FEZ2: variants seen among roughly 807,000 people sequenced by gnomAD.
FEZ2 encodes the protein fasciculation and elongation protein zeta-2.
A neutral mutation model predicts 40.4 loss-of-function variants in FEZ2; 51 were observed. The observed-to-expected ratio is 1.26, with a 90% CI of 1.01 to 1.59. FEZ2 has a LOEUF of 1.59. FEZ2 is among the 40% of genes most tolerant of loss of function. The pLI is 0.00. For missense variants in FEZ2, 640 were observed against 438.3 expected, an observed-to-expected ratio of 1.46 and a Z score of -4.11; for synonymous variants, 242 against 172.0, an observed-to-expected ratio of 1.41 and a Z score of -3.18.
At chr2:36,593,661 A>C (rs762875921) in intron 1 of FEZ2, among the ~76,000 whole-genome samples, 6 of 152,036 alleles carry the variant, frequency 3.9e-5, no homozygotes, top group Admixed American at 6.5e-5. Flanking sequence ...GGCAGACCCT[A>C]GGCCCAGCTC....
At chr2:36,578,552 G>C (rs770722095) in intron 5 of FEZ2, 45 bp downstream of exon 5, 2 of 1,576,436 alleles carry the variant, frequency 1.3e-6, no homozygotes, top group Admixed American at 3.6e-5. Flanking sequence ...GACTACCACA[G>C]AACCTGTTTC....
At chr2:36,581,617 G>T in intron 3 of FEZ2, 186 bp from the exon 4 acceptor site, 1 of 567,508 alleles carries the variant, frequency 1.8e-6, no homozygotes, top group South Asian at 2.4e-5. Flanking sequence ...GGTTTATCAA[G>T]AAAAAATTAC....
At chr2:36,562,462 C>T (rs1668118896) in intron 5 of FEZ2, among the ~76,000 whole-genome samples, 14 of 152,148 alleles carry the variant, frequency 9.2e-5, no homozygotes, top group Admixed American at 9.2e-4. Flanking sequence ...AATTTTACTA[C>T]CTTACAGGAG....
chr2:36,572,054 GA>G (rs1188150640), intron 5 of FEZ2, among the ~76,000 whole-genome samples: 1 of 149,460 alleles, frequency 6.7e-6, no homozygotes, highest in Non-Finnish European at 1.5e-5. Context: ...AGATAAAGGG[GA>G]AAAAAACTCA....
chr2:36,573,768 C>G (rs1668486878), intron 5 of FEZ2, among the ~76,000 whole-genome samples: 1 of 152,164 alleles, frequency 6.6e-6, no homozygotes, highest in Non-Finnish European at 1.5e-5. Flanking sequence ...ACATAATAGG[C>G]AACTCATAAA....
chr2:36,574,232 G>T (rs1207635154), intron 5 of FEZ2, among the ~76,000 whole-genome samples: 1 of 152,152 alleles, frequency 6.6e-6, no homozygotes, highest in Non-Finnish European at 1.5e-5. Context: ...GTAGGACGAA[G>T]ATTCAAACAC....
chr2:36,580,541 A>G (rs2125235452), intron 4 of FEZ2, among the ~76,000 whole-genome samples: 1 of 152,366 alleles, frequency 6.6e-6, no homozygotes, highest in Middle Eastern at 3.4e-3. Context: ...ATGAAAATCA[A>G]CTGTAGAGTT....
intron 5 of FEZ2, among the ~76,000 whole-genome samples, chr2:36,569,139 T>G (rs1395844649): frequency 6.6e-6 from 1 of 152,220 alleles, no homozygotes; most frequent in Non-Finnish European, 1.5e-5. Context: ...ATAACAATAA[T>G]ACCTTCTTTA....
chr2:36,588,977 T>A (rs1668989815), intron 2 of FEZ2, among the ~76,000 whole-genome samples: 1 of 152,238 alleles, frequency 6.6e-6, no homozygotes, highest in African/African-American at 2.4e-5. Context: ...GTAGTACCCA[T>A]GGACTGGTTT....
Position 36,552,336 on chromosome 2 carries a change from C to T in FEZ2, c.*827G>A, listed in dbSNP as rs1242077862. ...AAAGTGCTCATGATATTGATGAATC[C>T]ATAAGTAGCTGTATCTAGAATTCAT... On this transcript the variant is annotated 3_prime_UTR_variant, in exon 8 of 8. Transcript: ENST00000405912. The T allele has an allele frequency of 2.6e-6, 1 of 390,064 alleles. No individual in the cohort carries two copies. Among genetic ancestry groups the T allele is most frequent in the Non-Finnish European group, 5.0e-6 (1 of 201,256 alleles). The allele number at this position is 390,064 out of a possible 1,614,324, so 24.2% of individuals were successfully genotyped here.
Position 36,583,274 on chromosome 2 carries a change from T to A in FEZ2, c.492+79A>T. 3 of 745,336 alleles carry A rather than the reference T, an allele frequency of 4.0e-6. No homozygotes were observed. In the Admixed American group the frequency reaches 6.3e-5, roughly 16 times the overall value. The allele number at this position is 745,336 out of a possible 1,614,324, so 46.2% of individuals were successfully genotyped here. A position where few individuals can be genotyped will look rare whatever the true frequency, so the allele number is the denominator to read the frequency against. On this transcript the variant is annotated intron_variant, in intron 3 of 7. Coordinates refer to ENST00000405912, the MANE Select transcript of FEZ2 (RefSeq NM_005102.3). ...GGAAAGATAAGTAAACCAACAGCCA[T>A]CATTTACTGTCATAACAAGAAGCCG... is the stretch of plus-strand genomic sequence containing the variant.
intron 5 of FEZ2, among the ~76,000 whole-genome samples, chr2:36,568,850 T>A (rs377390374): frequency 6.6e-6 from 1 of 152,172 alleles, no homozygotes; most frequent in African/African-American, 2.4e-5. Context: ...TCAAAATCAG[T>A]CCTTATCTGG....
intron 1 of FEZ2, among the ~76,000 whole-genome samples, chr2:36,596,346 T>C (rs1355421084): frequency 6.6e-6 from 1 of 152,210 alleles, no homozygotes; most frequent in Non-Finnish European, 1.5e-5. Flanking sequence ...AAGGAGACAA[T>C]CAGGCTGGAA....
chr2:36,571,421 G>A (rs1668406437), intron 5 of FEZ2, among the ~76,000 whole-genome samples: 1 of 152,186 alleles, frequency 6.6e-6, no homozygotes, highest in Admixed American at 6.5e-5. Flanking sequence ...AGCACTTTGG[G>A]AGGCCGAGGT....
chr2:36,596,031 G>C (rs745491888), intron 1 of FEZ2, among the ~76,000 whole-genome samples: 10 of 152,206 alleles, frequency 6.6e-5, no homozygotes, highest in Non-Finnish European at 1.2e-4. Flanking sequence ...ATGTGTCCTG[G>C]GTTTAGTGAT....
chr2:36,555,957 G>A (rs753719438), intron 6 of FEZ2: 84 of 667,160 alleles, frequency 1.3e-4, no homozygotes, highest in South Asian at 4.8e-4. Flanking sequence ...ATTTATTTTC[G>A]GTAAGAATAT....
chr2:36,566,827 G>A (rs997917951), intron 5 of FEZ2, among the ~76,000 whole-genome samples: 1 of 152,226 alleles, frequency 6.6e-6, no homozygotes. Flanking sequence ...CTGTAAAACA[G>A]ATGATTAAAT....
At chr2:36,567,217 G>T (rs1216405831) in intron 5 of FEZ2, among the ~76,000 whole-genome samples, 4 of 151,774 alleles carry the variant, frequency 2.6e-5, no homozygotes, top group Admixed American at 2.0e-4. Flanking sequence ...TAGAGCCTAT[G>T]ATCGTTTCAC....
intron 5 of FEZ2, among the ~76,000 whole-genome samples, chr2:36,562,142 G>A (rs1049043726): frequency 6.6e-6 from 1 of 152,178 alleles, no homozygotes; most frequent in African/African-American, 2.4e-5. Context: ...AGATGTTAAT[G>A]AGATTGACAA....
Sources: allele counts gnomAD v4.1 joint callset (sites outside exome capture counted in the v4.1 genomes callset), GRCh38; gene constraint gnomAD v4.1.1; transcripts MANE v1.5; gene names NCBI Gene and HGNC (gene_info 2026-07-23, HGNC 2026-07-21).